THRB: variants seen among roughly 807,000 people sequenced by gnomAD.
The protein encoded by THRB is nuclear receptor subfamily 1 group A member 2.
A neutral mutation model predicts 47.8 loss-of-function variants in THRB; 12 were observed. The ratio of observed to expected loss-of-function variants is 0.25; its 90% CI spans 0.16 to 0.41. The LOEUF (loss-of-function observed/expected upper bound fraction) is 0.41. THRB is among the 10% of genes least tolerant of loss of function. The probability of loss-of-function intolerance (pLI) is 1.00; values close to 1 mark genes in which losing one functional copy is unlikely to be tolerated. For missense variants in THRB, 348 were observed against 589.2 expected (o/e 0.59, Z 4.24); for synonymous variants, 218 against 212.2 (o/e 1.03, Z -0.24).
At chr3:24,165,708 G>C (rs896801135) in intron 5 of THRB, 9 of 195,690 alleles carry the variant, frequency 4.6e-5, no homozygotes, top group Admixed American at 2.3e-4. Flanking sequence ...CCTCCACCCA[G>C]ATAGGGAAGT....
chr3:24,343,985 G>C lies in THRB; in HGVS notation c.-260-6614C>G, dbSNP rs561169010. ...TATATATATTTATTTCCCACATGTG[G>C]GAAATTTAATCACATACAGTTGGAT... On this transcript the variant is annotated intron_variant, in intron 1 of 10. Coordinates refer to ENST00000646209, the MANE Select transcript of THRB (RefSeq NM_001354712.2). 2.7e-5 allele frequency among the ~76,000 whole-genome samples: 4 copies of C among 146,346 alleles called. No homozygotes were observed. The East Asian group carries it at 8.0e-4, about 29-fold the overall frequency.
intron 1 of THRB, among the ~76,000 whole-genome samples, chr3:24,450,380 C>G (rs112667187): frequency 6.6e-6 from 1 of 152,164 alleles, no homozygotes; most frequent in Admixed American, 6.5e-5. Flanking sequence ...TATGCCCTGA[C>G]GTTTATTTCC....
intron 1 of THRB, among the ~76,000 whole-genome samples, chr3:24,460,890 T>C (rs1285248951): frequency 1.3e-5 from 2 of 152,226 alleles, no homozygotes; most frequent in African/African-American, 4.8e-5. Flanking sequence ...TTATTTGTAT[T>C]TTAGCAGAAG....
intron 2 of THRB, among the ~76,000 whole-genome samples, chr3:24,322,211 A>T (rs572767027): frequency 1.9e-3 from 293 of 152,370 alleles, no homozygotes; most frequent in African/African-American, 6.8e-3. Context: ...AGAAACAATT[A>T]TACAGGTATA....
chr3:24,489,794 T>C (rs1166743369), intron 1 of THRB, among the ~76,000 whole-genome samples: 1 of 152,186 alleles, frequency 6.6e-6, no homozygotes, highest in African/African-American at 2.4e-5. Context: ...TGGAAATATA[T>C]TACTTGTGAC....
intron 1 of THRB, among the ~76,000 whole-genome samples, chr3:24,402,117 C>T (rs1190070435): frequency 1.3e-5 from 2 of 152,052 alleles, no homozygotes; most frequent in African/African-American, 4.8e-5. Context: ...GCCCCCAACC[C>T]CACCATCAGG....
intron 2 of THRB, among the ~76,000 whole-genome samples, chr3:24,323,573 T>C (rs75782522): frequency 0.036 from 5,468 of 152,308 alleles, 339 homozygotes; most frequent in African/African-American, 0.12. Flanking sequence ...CCAATGCTTC[T>C]AGCCACAAAC....
intron 1 of THRB, among the ~76,000 whole-genome samples, chr3:24,360,075 T>A (rs185848219): frequency 2.0e-5 from 3 of 152,314 alleles, no homozygotes; most frequent in African/African-American, 7.2e-5. Flanking sequence ...CCTAAAGATG[T>A]GCTCCAGTAA....
chr3:24,364,902 A>G (rs1036164122), intron 1 of THRB, among the ~76,000 whole-genome samples: 1 of 152,208 alleles, frequency 6.6e-6, no homozygotes, highest in Non-Finnish European at 1.5e-5. Context: ...ATAATTTTCA[A>G]TAAGATTTTA....
intron 5 of THRB, 82 bp downstream of exon 5, chr3:24,189,992 G>C: frequency 7.3e-7 from 1 of 1,361,212 alleles, no homozygotes; most frequent in East Asian, 2.3e-5. Flanking sequence ...GAAGAGAAAT[G>C]TAGATGAAGT....
intron 3 of THRB, among the ~76,000 whole-genome samples, chr3:24,267,022 C>T (rs921930976): frequency 3.3e-5 from 5 of 151,422 alleles, no homozygotes; most frequent in Non-Finnish European, 4.4e-5. Context: ...AAAGTTTCCC[C>T]TGAATACTTA....
At chr3:24,312,138 T>C (rs187880610) in intron 2 of THRB, among the ~76,000 whole-genome samples, 3 of 152,332 alleles carry the variant, frequency 2.0e-5, no homozygotes, top group East Asian at 3.9e-4. Flanking sequence ...ACTATTTCAA[T>C]TCTCAGTTAA....
At chr3:24,330,644 TGA>T (rs1189554157) in intron 2 of THRB, among the ~76,000 whole-genome samples, 1 of 152,194 alleles carries the variant, frequency 6.6e-6, no homozygotes, top group Non-Finnish European at 1.5e-5. Context: ...TACTTATTAA[TGA>T]GAGACTTTGT....
rs138642361 is a variant in THRB, at chr3:24,348,306, G to T, written c.-260-10935C>A. Among the ~76,000 whole-genome samples the T allele has an allele frequency of 8.5e-5, 13 of 152,200 alleles. No homozygotes were observed. In the East Asian group the frequency reaches 2.3e-3, roughly 27 times the overall value. The stretch of plus-strand genomic sequence containing the variant: ...TAGGTGTATGGCAAATTTTGAAAAT[G>T]CCTGAACAGCCCTACAATAGATTGT... On this transcript the variant is annotated intron_variant, in intron 1 of 10. Coordinates refer to ENST00000646209, the MANE Select transcript of THRB (RefSeq NM_001354712.2).
At chr3:24,459,006 C>G (rs529899004) in intron 1 of THRB, 144 of 151,860 alleles carry the variant, frequency 9.5e-4, no homozygotes, top group African/African-American at 3.3e-3. Flanking sequence ...ATGTGCAGAA[C>G]GTGCAGTTTT....
intron 4 of THRB, among the ~76,000 whole-genome samples, chr3:24,224,727 A>G (rs1035027995): frequency 6.6e-6 from 1 of 152,176 alleles, no homozygotes; most frequent in East Asian, 1.9e-4. Flanking sequence ...TTTTCTTTAT[A>G]CTCAACCATC....
chr3:24,188,699 C>T (rs377513601), intron 5 of THRB, among the ~76,000 whole-genome samples: 31 of 151,908 alleles, frequency 2.0e-4, no homozygotes, highest in East Asian at 7.7e-4. Flanking sequence ...TGGCCACATA[C>T]GCTAAGAGTA....
chr3:24,353,362 C>G (rs2063478185), intron 1 of THRB, among the ~76,000 whole-genome samples: 1 of 152,088 alleles, frequency 6.6e-6, no homozygotes, highest in South Asian at 2.1e-4. Context: ...TGTCACCCAG[C>G]TGGCTACAGG....
At chr3:24,145,709 A>AT (rs963591599) in intron 7 of THRB, among the ~76,000 whole-genome samples, 11 of 151,694 alleles carry the variant, frequency 7.3e-5, no homozygotes, top group East Asian at 3.9e-4. Flanking sequence ...CATTTCACAG[A>AT]TTTTTTTTTC....
Sources: allele counts gnomAD v4.1 joint callset (sites outside exome capture counted in the v4.1 genomes callset), GRCh38; gene constraint gnomAD v4.1.1; transcripts MANE v1.5; gene names NCBI Gene and HGNC (gene_info 2026-07-23, HGNC 2026-07-21).